The following NCOR2 variants were observed in gnomAD, a reference collection of about 807,000 sequenced individuals.
NCOR2 encodes nuclear receptor corepressor 2.
In NCOR2, 81 loss-of-function variants were observed where a neutral mutation model predicts 262.9. That is an observed-to-expected ratio of 0.31 (90% CI 0.26 to 0.37). The LOEUF is 0.37. Among genes scored for constraint, NCOR2 ranks in the 10% least tolerant of loss-of-function variants. The pLI, the probability that NCOR2 is intolerant of heterozygous loss-of-function variation, is 1.00. For missense variants in NCOR2, 3,385 were observed against 3,621.4 expected (o/e 0.93, Z 1.68); for synonymous variants, 1,659 against 1,559.3 (o/e 1.06, Z -1.51).
intron 16 of NCOR2, among the ~76,000 whole-genome samples, chr12:124,391,976 G>A (rs544172834): frequency 6.6e-6 from 1 of 152,374 alleles, no homozygotes; most frequent in East Asian, 1.9e-4. Flanking sequence ...AGTGGGCTGG[G>A]TGAGCACTGG....
intron 3 of NCOR2, among the ~76,000 whole-genome samples, chr12:124,480,499 G>A (rs903442368): frequency 6.6e-6 from 1 of 152,190 alleles, no homozygotes; most frequent in Admixed American, 6.5e-5. Flanking sequence ...CCTCCAGCCT[G>A]GTATGTCCTG....
rs2044040927 is a variant in NCOR2 at position 124,432,769 on chromosome 12, G to C, written c.883-1982C>G. Among the ~76,000 whole-genome samples the C allele has an allele frequency of 6.6e-6, 1 of 151,640 alleles. No homozygotes were observed. Among genetic ancestry groups the C allele is most frequent in the Non-Finnish European group, 1.5e-5 (1 of 67,986 alleles). On this transcript the variant is annotated intron_variant, in intron 8 of 46. Transcript: ENST00000405201. This position sits in a 1 kb window ranked among gnomAD's most constrained non-coding sequence, Gnocchi z 5.1. Reference sequence around the variant, plus strand: ...TCCACATCTAACCACAGTGCTGCCTGCTGCATGTCCTTTGAGAAGAGATCC... The same window carrying C: ...TCCACATCTAACCACAGTGCTGCCTCCTGCATGTCCTTTGAGAAGAGATCC...
At chr12:124,348,445 C>T (rs2037128859) in intron 28 of NCOR2, 131 bp from the exon 31 acceptor site, 1 of 1,255,902 alleles carries the variant, frequency 8.0e-7, no homozygotes, top group Non-Finnish European at 1.1e-6. Context: ...CAAAGCCTCA[C>T]AGCCGAGGCC....
intron 1 of NCOR2, among the ~76,000 whole-genome samples, chr12:124,533,999 ATTC>A (rs1315082403): frequency 6.6e-6 from 1 of 151,506 alleles, no homozygotes; most frequent in Non-Finnish European, 1.5e-5. Context: ...GCCCAAGACA[ATTC>A]TTCTTCCAAT....
intron 20 of NCOR2, 77 bp from the exon 23 acceptor site, chr12:124,363,876 T>C (rs1451178024): frequency 1.8e-5 from 22 of 1,214,726 alleles, no homozygotes; most frequent in Non-Finnish European, 2.3e-5. Flanking sequence ...CCGGTTTTGA[T>C]GGCCTCTCCT....
chr12:124,336,470 C>T (rs1276292733), intron 38 of NCOR2: 7 of 506,980 alleles, frequency 1.4e-5, no homozygotes, highest in African/African-American at 4.1e-5. Context: ...ACCAGAGGGG[C>T]AGGCGCGGCC....
intron 7 of NCOR2, among the ~76,000 whole-genome samples, chr12:124,446,868 C>T (rs1271860192): frequency 6.6e-6 from 1 of 152,204 alleles, no homozygotes; most frequent in Non-Finnish European, 1.5e-5. Context: ...TGACTACTTA[C>T]AGTGTAGGAA....
At chr12:124,386,726 G>C (rs73421940) in intron 16 of NCOR2, among the ~76,000 whole-genome samples, 13 of 152,336 alleles carry the variant, frequency 8.5e-5, no homozygotes, top group African/African-American at 2.2e-4. Flanking sequence ...CAAACACCAG[G>C]CTCGGCAGAA....
At position 124,406,097 on chromosome 12, in the gene NCOR2, C is replaced by G. The variant is rs117921810; in HGVS notation, c.1483-3536G>C. Among the ~76,000 whole-genome samples, 274 of 152,324 alleles carry G rather than the reference C, an allele frequency of 1.8e-3. 8 individuals carry two copies. In the East Asian group the frequency reaches 0.036, roughly 20 times the overall value. On this transcript the variant is annotated intron_variant, in intron 13 of 46. Coordinates refer to ENST00000405201, the Ensembl canonical transcript of NCOR2. ...GCCAGATTTGAGAACCAGTGCTTTACCAGGGACTGGCAAACGTTTTCTGTA... is the reference window on the plus strand; with the variant it reads ...GCCAGATTTGAGAACCAGTGCTTTAGCAGGGACTGGCAAACGTTTTCTGTA...
rs2046393254 is a variant in NCOR2 at position 124,465,963 on chromosome 12, T to C, written c.705+210A>G. On this transcript the variant is annotated intron_variant, in intron 5 of 46. Coordinates refer to ENST00000405201, the Ensembl canonical transcript of NCOR2. ...GCCACAGTCCACACCCATCTGAGTG[T>C]CTGAGCAGAACAGCCCAGAGGCCAC... 3.9e-5 allele frequency among the ~76,000 whole-genome samples: 6 copies of C among 152,176 alleles called. No individual in the cohort carries two copies. The South Asian group carries it at 1.2e-3, about 32-fold the overall frequency.
rs1371454131 is a variant in NCOR2 at position 124,354,213 on chromosome 12, G to A, written c.3590-17C>T. On this transcript the variant is annotated splice_polypyrimidine_tract_variant and intron_variant, in intron 26 of 46. Coordinates refer to ENST00000405201, the Ensembl canonical transcript of NCOR2. ...GAGCTGTCCCTGGAAGACACAAGAT[G>A]TGGGGCTGAGGGCGTGTCTGTGGCC... is the stretch of plus-strand genomic sequence containing the variant. The A allele has an allele frequency of 1.3e-6, 2 of 1,575,004 alleles. No homozygotes were observed. The highest frequency in any genetic ancestry group is 2.3e-5 in the East Asian group (1 of 42,954).
intron 46 of NCOR2, among the ~76,000 whole-genome samples, chr12:124,325,883 C>T (rs774536739): frequency 7.2e-5 from 11 of 152,144 alleles, no homozygotes; most frequent in South Asian, 2.1e-4. Flanking sequence ...ATTTCCCTTC[C>T]GAAAGCCCTC....
exon 29 of NCOR2, chr12:124,348,187 T>C (rs752880055): frequency 8.7e-6 from 14 of 1,611,406 alleles, no homozygotes; most frequent in Non-Finnish European, 1.0e-5. Flanking sequence ...CGATGCTGGC[T>C]GAGGAGATGG....
At chr12:124,363,775 G>T in exon 21 of NCOR2, 1 of 1,382,486 alleles carries the variant, frequency 7.2e-7, no homozygotes, top group Non-Finnish European at 9.4e-7. Context: ...TCGGGGTGAG[G>T]AGGCTGGGCC....
At chr12:124,400,295 G>C (rs2041925331) in intron 15 of NCOR2, among the ~76,000 whole-genome samples, 1 of 152,100 alleles carries the variant, frequency 6.6e-6, no homozygotes, top group Non-Finnish European at 1.5e-5. Context: ...GAGAACATGA[G>C]GACCCTGAGG....
At position 124,454,531 on chromosome 12, in the gene NCOR2, G is replaced by T. The variant is rs1223095453; in HGVS notation, c.762+2575C>A. Reference sequence around the variant, plus strand: ...GGGCTTCCTCGCCTGTGTTCCTCGGGCCCTAAGACACAGGCCCTTTCCCCC... The same window carrying T: ...GGGCTTCCTCGCCTGTGTTCCTCGGTCCCTAAGACACAGGCCCTTTCCCCC... On this transcript the variant is annotated intron_variant, in intron 6 of 46. Coordinates refer to ENST00000405201, the Ensembl canonical transcript of NCOR2. The surrounding 1 kb of genome is among the most constrained non-coding windows in gnomAD (Gnocchi z 5.6). Among the ~76,000 whole-genome samples, 2 of 152,124 alleles carry T rather than the reference G, an allele frequency of 1.3e-5. No homozygotes were observed. Among genetic ancestry groups the T allele is most frequent in the Non-Finnish European group, 2.9e-5 (2 of 68,022 alleles).
At chr12:124,479,405 GCA>G (rs1192759486) in intron 3 of NCOR2, among the ~76,000 whole-genome samples, 2 of 151,044 alleles carry the variant, frequency 1.3e-5, no homozygotes, top group Admixed American at 6.6e-5. Flanking sequence ...ACACACGCAC[GCA>G]CACACAGGTA....
At chr12:124,371,069 G>A (rs1450221922) in intron 20 of NCOR2, among the ~76,000 whole-genome samples, 3 of 152,142 alleles carry the variant, frequency 2.0e-5, no homozygotes, top group East Asian at 1.9e-4. Context: ...CTCACTCCCA[G>A]CAAATCCCCC....
rs143417604 is a variant in NCOR2 at position 124,327,004 on chromosome 12, G to A, written c.7183+405C>T. Among the ~76,000 whole-genome samples the A allele has an allele frequency of 2.7e-3, 416 of 152,336 alleles. 1 individual carries two copies. The highest frequency in any genetic ancestry group is 9.2e-3 in the African/African-American group (381 of 41,578). On this transcript the variant is annotated intron_variant, in intron 45 of 46. Coordinates refer to ENST00000405201, the Ensembl canonical transcript of NCOR2. ...ACACATAGTGGGCCTGGCAGATGCT[G>A]AGCACAGGCCTGGCTGCCATTCCCC...
Sources: gnomAD v4.1 joint callset for allele counts (sites outside exome capture counted in the v4.1 genomes callset) on GRCh38, gnomAD v4.1.1 for gene constraint, Gnocchi (gnomAD v3.1) non-coding constraint, MANE v1.5 for transcripts, NCBI Gene and HGNC (gene_info 2026-07-23, HGNC 2026-07-21) for gene names.